CPXM2: variants seen among roughly 807,000 people sequenced by gnomAD.
CPXM2 encodes the protein inactive carboxypeptidase-like protein X2.
Under a neutral mutation model 86.1 loss-of-function variants are expected in CPXM2, and 66 were observed. The ratio of observed to expected loss-of-function variants is 0.77; its 90% CI spans 0.63 to 0.94. CPXM2 has a LOEUF of 0.94. CPXM2 is among the 40% of genes least tolerant of loss of function. The probability of loss-of-function intolerance (pLI) is 0.00; values close to 1 mark genes in which losing one functional copy is unlikely to be tolerated. For missense variants in CPXM2, 948 were observed against 1,026.3 expected (o/e 0.92, Z 1.04); for synonymous variants, 388 against 400.2 (o/e 0.97, Z 0.36).
Position 123,755,934 on chromosome 10 carries a change from G to A in CPXM2, c.1918-1172C>T, listed in dbSNP as rs564764702. Among the ~76,000 whole-genome samples, 3 of 152,332 alleles carry A rather than the reference G, an allele frequency of 2.0e-5. No homozygotes were observed. The South Asian group carries it at 6.2e-4, about 32-fold the overall frequency. On this transcript the variant is annotated intron_variant, in intron 12 of 13. Transcript: ENST00000241305. ...GGGCCTTCTCTTACAAAATTCCAGG[G>A]TGGGAACAGGAATTCCTTGAGTGAG...
At chr10:123,886,840 G>T (rs1358597330) in intron 1 of CPXM2, 1 of 152,126 alleles carries the variant, frequency 6.6e-6, no homozygotes, top group Non-Finnish European at 1.5e-5. Flanking sequence ...TATAACTATG[G>T]TTTATTTTTC....
rs148657688 is a variant in CPXM2, at chr10:123,865,706, C to T, written c.404-2983G>A. Among the ~76,000 whole-genome samples, 68 of 152,266 alleles carry T rather than the reference C, an allele frequency of 4.5e-4. No homozygotes were observed. The highest frequency in any genetic ancestry group is 1.5e-3 in the African/African-American group (61 of 41,534). On this transcript the variant is annotated intron_variant, in intron 2 of 13. Coordinates refer to ENST00000241305, the MANE Select transcript of CPXM2 (RefSeq NM_198148.3). This position sits in a 1 kb window ranked among gnomAD's most constrained non-coding sequence, Gnocchi z 4.7. ...CCAAATTCACAACCGACATGGGGCA[C>T]GGGACGGGCACCTGCAGCTACTGCC...
At chr10:123,751,949 A>G in intron 13 of CPXM2, 1 of 985,378 alleles carries the variant, frequency 1.0e-6, no homozygotes, top group Non-Finnish European at 1.2e-6. Flanking sequence ...CTCAGCACCC[A>G]TTAGGCAAAG....
At chr10:123,775,728 G>A (rs1053364502) in intron 7 of CPXM2, among the ~76,000 whole-genome samples, 1 of 152,214 alleles carries the variant, frequency 6.6e-6, no homozygotes, top group African/African-American at 2.4e-5. Context: ...TTTCCCACAT[G>A]AGACCATGGG....
intron 2 of CPXM2, among the ~76,000 whole-genome samples, chr10:123,900,891 T>A (rs1945375948): frequency 2.0e-5 from 3 of 152,232 alleles, no homozygotes; most frequent in Non-Finnish European, 4.4e-5. Flanking sequence ...TAACAGATTT[T>A]TTTTTCTTTT....
upstream of CPXM2, among the ~76,000 whole-genome samples, chr10:123,894,055 C>A (rs534556622): frequency 1.3e-5 from 2 of 152,334 alleles, no homozygotes; most frequent in South Asian, 4.1e-4. Context: ...TAAGATGAAT[C>A]TTCTCCCTCT....
intron 4 of CPXM2, among the ~76,000 whole-genome samples, chr10:123,824,927 A>C (rs1234139967): frequency 2.6e-5 from 4 of 152,230 alleles, no homozygotes; most frequent in Non-Finnish European, 1.5e-5. Context: ...TCCAGTGGGA[A>C]GGCAAGGCCA....
intron 2 of CPXM2, among the ~76,000 whole-genome samples, chr10:123,904,912 A>ATCCTGTGACCTCCCCTC (rs1184917723): frequency 1.5e-5 from 2 of 131,658 alleles, no homozygotes; most frequent in Admixed American, 1.6e-4. Context: ...GCTCTGCATC[A>ATCCTGTGACCTCCCCTC]CACCTGCATC....
intron 12 of CPXM2, among the ~76,000 whole-genome samples, chr10:123,756,924 G>A (rs915461219): frequency 1.3e-5 from 2 of 152,330 alleles, no homozygotes; most frequent in Non-Finnish European, 1.5e-5. Context: ...CGAGGGGCCT[G>A]GGCACATTGG....
At chr10:123,831,614 T>C (rs184653729) in intron 4 of CPXM2, among the ~76,000 whole-genome samples, 36 of 152,296 alleles carry the variant, frequency 2.4e-4, no homozygotes, top group Admixed American at 1.0e-3. Context: ...CTGTGGGCCC[T>C]GAAGAGAGTC....
chr10:123,933,051 G>C (rs1945681320), intron 2 of CPXM2, among the ~76,000 whole-genome samples: 2 of 152,216 alleles, frequency 1.3e-5, no homozygotes, highest in Admixed American at 6.5e-5. Flanking sequence ...TACAGTGATT[G>C]TGCATTAGGG....
At position 123,885,569 on chromosome 10, in the gene CPXM2, C is replaced by T. The variant is rs144043172; in HGVS notation, c.305-5260G>A. Among the ~76,000 whole-genome samples the T allele has an allele frequency of 2.7e-3, 416 of 152,334 alleles. 1 individual carries two copies. The highest frequency in any genetic ancestry group is 9.7e-3 in the African/African-American group (405 of 41,580). ...GCTGTTTTGTGCCATGCTAACCATC[C>T]TATGATGCCCAACGAGTAGCCAGCT... On this transcript the variant is annotated intron_variant, in intron 1 of 13. Transcript: ENST00000241305. This position sits in a 1 kb window ranked among gnomAD's most constrained non-coding sequence, Gnocchi z 4.0.
intron 3 of CPXM2, among the ~76,000 whole-genome samples, chr10:123,850,861 A>G (rs577152382): frequency 4.6e-5 from 7 of 152,342 alleles, no homozygotes; most frequent in East Asian, 1.9e-4. Flanking sequence ...TACTATCCAC[A>G]CTTTCATGCA....
chr10:123,856,827 G>C (rs1165884893), intron 3 of CPXM2, among the ~76,000 whole-genome samples: 1 of 152,128 alleles, frequency 6.6e-6, no homozygotes, highest in Non-Finnish European at 1.5e-5. Flanking sequence ...CCTGACCTCA[G>C]GTGATCCACC....
intron 2 of CPXM2, among the ~76,000 whole-genome samples, chr10:123,878,553 G>A (rs1015669204): frequency 2.7e-5 from 4 of 147,676 alleles, no homozygotes; most frequent in African/African-American, 1.0e-4. Context: ...GTGTAATTGA[G>A]TCTTCAAAAA....
intron 2 of CPXM2, among the ~76,000 whole-genome samples, chr10:123,904,762 A>G (rs891286849): frequency 1.3e-5 from 2 of 148,476 alleles, no homozygotes; most frequent in Non-Finnish European, 3.0e-5. Context: ...GCATTCACAC[A>G]TCCAGCACTC....
At chr10:123,780,735 CCCTTCCTT>C (rs35840032) in intron 6 of CPXM2, among the ~76,000 whole-genome samples, 52 of 150,832 alleles carry the variant, frequency 3.4e-4, no homozygotes, top group Admixed American at 4.6e-4. Context: ...GCATTCATTC[CCCTTCCTT>C]CCTTCCTTCC....
chr10:123,878,019 T>G (rs1191697594), intron 2 of CPXM2, among the ~76,000 whole-genome samples: 1 of 152,194 alleles, frequency 6.6e-6, no homozygotes, highest in African/African-American at 2.4e-5. Flanking sequence ...AGTTGTCACG[T>G]ACACCAGCCC....
chr10:123,921,855 G>A (rs1022477675), intron 2 of CPXM2, among the ~76,000 whole-genome samples: 1 of 152,216 alleles, frequency 6.6e-6, no homozygotes, highest in African/African-American at 2.4e-5. Context: ...GAGGAGGAAA[G>A]ATCCCTGGTT....
Sources: allele counts gnomAD v4.1 joint callset (sites outside exome capture counted in the v4.1 genomes callset), GRCh38; gene constraint gnomAD v4.1.1; non-coding constraint Gnocchi (gnomAD v3.1); transcripts MANE v1.5; gene names NCBI Gene and HGNC (gene_info 2026-07-23, HGNC 2026-07-21).